GLCE: variants seen among roughly 807,000 people sequenced by gnomAD.
GLCE encodes the protein D-glucuronyl C5-epimerase.
Under a neutral mutation model 47.9 loss-of-function variants are expected in GLCE, and 19 were observed. The ratio of observed to expected loss-of-function variants is 0.40; its 90% confidence interval spans 0.28 to 0.58. The LOEUF is 0.58. Among genes scored for constraint, GLCE ranks in the 20% least tolerant of loss-of-function variants. The pLI, the probability that GLCE is intolerant of heterozygous loss-of-function variation, is 0.48. For missense variants in GLCE, 556 were observed against 743.3 expected, an observed-to-expected ratio of 0.75 and a Z score of 2.93; for synonymous variants, 245 against 263.4, an observed-to-expected ratio of 0.93 and a Z score of 0.68.
chr15:69,181,059 A>G (rs778055479), intron 1 of GLCE, among the ~76,000 whole-genome samples: 3 of 152,118 alleles, frequency 2.0e-5, no homozygotes, highest in Non-Finnish European at 4.4e-5. Context: ...AGGGAGAGAA[A>G]AAAGAGGGAG....
At chr15:69,186,650 T>C (rs1358741925) in intron 1 of GLCE, among the ~76,000 whole-genome samples, 5 of 152,196 alleles carry the variant, frequency 3.3e-5, no homozygotes, top group African/African-American at 1.2e-4. Flanking sequence ...GCAGCTTTTT[T>C]GAAAGTAGAT....
intron 1 of GLCE, among the ~76,000 whole-genome samples, chr15:69,177,716 A>G (rs533713393): frequency 1.3e-4 from 20 of 149,052 alleles, no homozygotes; most frequent in Middle Eastern, 6.9e-3. Context: ...CCGCTTTATC[A>G]TCTTTACTTC....
chr15:69,221,837 A>G (rs1340074475), intron 2 of GLCE, among the ~76,000 whole-genome samples: 1 of 145,206 alleles, frequency 6.9e-6, no homozygotes, highest in Non-Finnish European at 1.5e-5. Flanking sequence ...TACTCTAGCC[A>G]GGGCAACAGA....
intron 2 of GLCE, among the ~76,000 whole-genome samples, chr15:69,225,209 G>C (rs1378218131): frequency 6.6e-6 from 1 of 151,934 alleles, no homozygotes; most frequent in African/African-American, 2.4e-5. Context: ...GAGGTGGAGA[G>C]GGGTTAGATT....
chr15:69,185,280 A>G lies in GLCE; in HGVS notation c.-105+24523A>G, dbSNP rs530412293. On this transcript the variant is annotated intron_variant, in intron 1 of 4. Coordinates refer to ENST00000261858, the MANE Select transcript of GLCE (RefSeq NM_015554.3). ...GGAAAAATGCTGGAATAGTGAAAAG[A>G]TTGAAGATAGTTGGCAAATTTGAAT... 6.0e-4 allele frequency among the ~76,000 whole-genome samples: 91 copies of G among 152,340 alleles called. 1 individual carries two copies. Among genetic ancestry groups the G allele is most frequent in the African/African-American group, 2.1e-3 (89 of 41,588 alleles).
intron 1 of GLCE, among the ~76,000 whole-genome samples, chr15:69,183,059 G>A (rs762567444): frequency 2.6e-5 from 4 of 151,966 alleles, no homozygotes; most frequent in Non-Finnish European, 5.9e-5. Flanking sequence ...AATTGAGAAG[G>A]TTTAAGGTTT....
In GLCE at chr15:69,198,042, T is replaced by A. The variant is rs538551649; in HGVS notation, c.-104-12274T>A. On this transcript the variant is annotated intron_variant, in intron 1 of 4. Coordinates refer to ENST00000261858, the MANE Select transcript of GLCE (RefSeq NM_015554.3). ...TCACATTCTTCCCTTTTAAAGAACATCAGTGCCTGAGCCTTTTTATATACA... is the reference window on the plus strand; with the variant it reads ...TCACATTCTTCCCTTTTAAAGAACAACAGTGCCTGAGCCTTTTTATATACA... Among the ~76,000 whole-genome samples the A allele has an allele frequency of 5.3e-5, 8 of 152,302 alleles. No individual in the cohort carries two copies. The East Asian group carries it at 9.7e-4, about 18-fold the overall frequency.
At chr15:69,262,674 T>A (rs1055256887) in intron 4 of GLCE, among the ~76,000 whole-genome samples, 3 of 152,150 alleles carry the variant, frequency 2.0e-5, no homozygotes, top group African/African-American at 7.2e-5. Flanking sequence ...AAATGAGGGA[T>A]CCTTAGCCCC....
intron 3 of GLCE, 175 bp from the exon 4 acceptor site, chr15:69,260,912 A>C: frequency 1.9e-6 from 1 of 535,988 alleles, no homozygotes; most frequent in East Asian, 2.8e-5. Flanking sequence ...TTTGTTTTTC[A>C]CATCTGGTTA....
chr15:69,188,140 G>A (rs901351969), intron 1 of GLCE, among the ~76,000 whole-genome samples: 1 of 152,240 alleles, frequency 6.6e-6, no homozygotes, highest in South Asian at 2.1e-4. Context: ...CTACCCAGGA[G>A]TCTGAGGCAG....
At chr15:69,169,703 T>C (rs1436198150) in intron 1 of GLCE, among the ~76,000 whole-genome samples, 1 of 152,172 alleles carries the variant, frequency 6.6e-6, no homozygotes. Context: ...TTCATCCATG[T>C]CCCTACAAAG....
At chr15:69,244,977 A>G (rs952523173) in intron 2 of GLCE, among the ~76,000 whole-genome samples, 24 of 152,212 alleles carry the variant, frequency 1.6e-4, no homozygotes, top group African/African-American at 5.5e-4. Context: ...CAGTGCTTAT[A>G]AAAGTTATGT....
intron 1 of GLCE, among the ~76,000 whole-genome samples, chr15:69,175,306 CT>C (rs1356625874): frequency 6.6e-6 from 1 of 152,060 alleles, no homozygotes; most frequent in African/African-American, 2.4e-5. Flanking sequence ...TGGAGTCTCC[CT>C]TTTGTTGTTT....
chr15:69,196,176 A>G (rs2051987688), intron 1 of GLCE, among the ~76,000 whole-genome samples: 1 of 152,084 alleles, frequency 6.6e-6, no homozygotes, highest in Non-Finnish European at 1.5e-5. Context: ...ATTTGAGGAA[A>G]GTGTGTGCCT....
intron 2 of GLCE, among the ~76,000 whole-genome samples, chr15:69,246,063 G>A (rs1266516021): frequency 2.6e-5 from 4 of 152,006 alleles, no homozygotes; most frequent in African/African-American, 9.7e-5. Flanking sequence ...ATCTTCACCG[G>A]GTGTAGATTC....
At chr15:69,258,746 T>C (rs2052971328) in intron 3 of GLCE, among the ~76,000 whole-genome samples, 1 of 152,206 alleles carries the variant, frequency 6.6e-6, no homozygotes, top group Non-Finnish European at 1.5e-5. Context: ...AATCCAGTAA[T>C]ATTCTTTCAG....
chr15:69,168,995 C>T (rs1159471322), intron 1 of GLCE, among the ~76,000 whole-genome samples: 1 of 152,184 alleles, frequency 6.6e-6, no homozygotes, highest in Non-Finnish European at 1.5e-5. Flanking sequence ...AAGCTTCCCT[C>T]CTGTACTCTC....
At position 69,256,056 on chromosome 15, in the gene GLCE, G is replaced by A. The variant is rs148759870; in HGVS notation, c.250G>A (p.Ala84Thr). 3.4e-5 allele frequency: 55 copies of A among 1,613,978 alleles called. No individual in the cohort carries two copies. The highest frequency in any genetic ancestry group is 4.3e-5 in the Non-Finnish European group (51 of 1,180,002). Reference protein sequence around the residue: ...EEAFPQEQQKAPPVVGGFNSN... With the variant: ...EEAFPQEQQKTPPVVGGFNSN... ...AGCATTCCCTCAGGAACAGCAGAAA[G>A]CACCCCCTGTTGTTGGGGGCTTCAA... The change falls in exon 3 of 5, where the codon GCA (alanine) becomes ACA (threonine). Residue 84 changes from alanine (A) to threonine (T), a missense_variant. Physicochemically the swap from Ala to Thr is moderately conservative, Grantham distance 58 (BLOSUM62 0). Around this residue, in one of 3 missense-constraint regions of GLCE, gnomAD observed 237 missense variants for 310.9 expected, o/e 0.76. Transcript: ENST00000261858.
chr15:69,260,012 G>T (rs1427533375), intron 3 of GLCE, among the ~76,000 whole-genome samples: 1 of 151,970 alleles, frequency 6.6e-6, no homozygotes, highest in African/African-American at 2.4e-5. Context: ...TGTAAATGTA[G>T]GATTTGTAGC....
Sources: gnomAD v4.1 joint callset for allele counts (sites outside exome capture counted in the v4.1 genomes callset) on GRCh38, gnomAD v4.1.1 for gene constraint, gnomAD v4.1.1 regional missense constraint, MANE v1.5 for transcripts, NCBI Gene and HGNC (gene_info 2026-07-23, HGNC 2026-07-21) for gene names.